The following TLE4 variants were observed in gnomAD, a reference collection of about 807,000 sequenced individuals.
TLE4 encodes TLE family member 4, transcriptional corepressor.
TLE4 carries 8 observed loss-of-function variants against 92.8 expected under a neutral mutation model. The observed-to-expected ratio is 0.09, with a 90% CI of 0.05 to 0.16. The LOEUF is 0.16. Among genes scored for constraint, TLE4 ranks in the 10% least tolerant of loss-of-function variants. TLE4 has a pLI of 1.00. For missense variants in TLE4, 675 were observed against 997.6 expected (o/e 0.68, Z 4.36); for synonymous variants, 371 against 374.1 (o/e 0.99, Z 0.10).
intron 2 of TLE4, 114 bp downstream of exon 2, chr9:79,573,900 T>C (rs950442913): frequency 3.1e-6 from 2 of 652,860 alleles, no homozygotes; most frequent in Admixed American, 3.9e-5. Context: ...AAAGGTATTA[T>C]TTTTTTTTCT....
At chr9:79,639,543 C>T (rs1042613117) in intron 6 of TLE4, among the ~76,000 whole-genome samples, 3 of 152,146 alleles carry the variant, frequency 2.0e-5, no homozygotes, top group South Asian at 4.1e-4. Flanking sequence ...TTCACATTTA[C>T]TCACCACTGA....
In TLE4 at chr9:79,697,234, C is replaced by A. The variant is rs116647833; in HGVS notation, c.610-7549C>A. On this transcript the variant is annotated intron_variant, in intron 8 of 19. Coordinates refer to ENST00000376552, the MANE Select transcript of TLE4 (RefSeq NM_007005.6). ...CATTGGATTGAAAAGTGCGAAATGA[C>A]TTTGGGGTGATAGGTAGTTTAAACG... Among the ~76,000 whole-genome samples, 653 of 152,196 alleles carry A rather than the reference C, an allele frequency of 4.3e-3. 5 individuals carry two copies. Among genetic ancestry groups the A allele is most frequent in the African/African-American group, 0.015 (617 of 41,520 alleles).
chr9:79,579,759 G>C (rs142989129), intron 4 of TLE4, among the ~76,000 whole-genome samples: 111 of 152,192 alleles, frequency 7.3e-4, no homozygotes, highest in African/African-American at 2.6e-3. Flanking sequence ...TACGAGACTT[G>C]GGCCACAACC....
At chr9:79,718,671 G>A (rs758195094) in intron 14 of TLE4, 51 bp from the exon 15 acceptor site, 2 of 1,567,038 alleles carry the variant, frequency 1.3e-6, no homozygotes, top group East Asian at 2.3e-5. Flanking sequence ...GAACAGTTAA[G>A]TGACATTTTT....
At chr9:79,629,547 C>T (rs969379596) in intron 6 of TLE4, among the ~76,000 whole-genome samples, 1 of 152,152 alleles carries the variant, frequency 6.6e-6, no homozygotes, top group Non-Finnish European at 1.5e-5. Context: ...AAAGAACTAA[C>T]TCAGCAGTAC....
chr9:79,649,298 ACAC>A (rs2134119503), intron 6 of TLE4, among the ~76,000 whole-genome samples: 1 of 151,702 alleles, frequency 6.6e-6, no homozygotes, highest in African/African-American at 2.4e-5. Context: ...ACACACACAC[ACAC>A]AACAAGGCAG....
chr9:79,642,115 G>C (rs1370867661), intron 6 of TLE4, among the ~76,000 whole-genome samples: 1 of 151,892 alleles, frequency 6.6e-6, no homozygotes, highest in Non-Finnish European at 1.5e-5. Flanking sequence ...CAAAATTTTG[G>C]AAAGCAAGTC....
chr9:79,626,050 C>T (rs1209240270), intron 5 of TLE4, among the ~76,000 whole-genome samples: 1 of 151,984 alleles, frequency 6.6e-6, no homozygotes, highest in Non-Finnish European at 1.5e-5. Flanking sequence ...CATTTTTCTT[C>T]CCATTAGTCA....
chr9:79,689,327 G>GT (rs78898388), intron 8 of TLE4, among the ~76,000 whole-genome samples: 2,631 of 144,302 alleles, frequency 0.018, 41 homozygotes, highest in African/African-American at 0.046. Context: ...TTTTATTGTT[G>GT]TTTTTTTTTT....
chr9:79,614,795 C>A (rs1265569256), intron 5 of TLE4, among the ~76,000 whole-genome samples: 1 of 151,942 alleles, frequency 6.6e-6, no homozygotes, highest in Admixed American at 6.6e-5. Flanking sequence ...TGAGATTTTT[C>A]TTTGCAATTT....
At chr9:79,635,436 G>C (rs1402338953) in intron 6 of TLE4, among the ~76,000 whole-genome samples, 3 of 150,118 alleles carry the variant, frequency 2.0e-5, no homozygotes, top group Non-Finnish European at 4.4e-5. Flanking sequence ...ATGGACTTTT[G>C]GTGTTGTCTG....
At chr9:79,709,795 G>T in intron 14 of TLE4, 96 bp downstream of exon 14, 4 of 957,182 alleles carry the variant, frequency 4.2e-6, no homozygotes, top group East Asian at 2.7e-5. Context: ...TGTTGGGGGA[G>T]TTCCCATGAC....
rs113638134 is a variant in TLE4, at chr9:79,605,317, G to A, written c.253-7339G>A. Reference sequence around the variant, plus strand: ...TCTGGTAGAACTGAGTATAACCGTGGTAACATTGGTTACAGTGTTTTCTAG... The same window carrying A: ...TCTGGTAGAACTGAGTATAACCGTGATAACATTGGTTACAGTGTTTTCTAG... On this transcript the variant is annotated intron_variant, in intron 4 of 19. Coordinates refer to ENST00000376552, the MANE Select transcript of TLE4 (RefSeq NM_007005.6). 1.6e-3 allele frequency among the ~76,000 whole-genome samples: 241 copies of A among 152,160 alleles called. 1 individual carries two copies. Among genetic ancestry groups the A allele is most frequent in the African/African-American group, 5.5e-3 (228 of 41,534 alleles).
Position 79,708,128 on chromosome 9 carries a change from C to G in TLE4, c.947C>G (p.Ser316Cys). 1 of 1,613,944 alleles carries G rather than the reference C, an allele frequency of 6.2e-7. No homozygotes were observed. Among genetic ancestry groups the G allele is most frequent in the Non-Finnish European group, 8.5e-7 (1 of 1,179,940 alleles). Residue 316 changes from serine (S) to cysteine (C), a missense_variant, in exon 12 of 20, where the codon TCT (serine) becomes TGT (cysteine). Physicochemically the swap from Ser to Cys is moderately radical, Grantham distance 112. Around this residue, in one of 5 missense-constraint regions of TLE4, gnomAD observed 280 missense variants for 287.3 expected, o/e 0.97. Coordinates refer to ENST00000376552, the MANE Select transcript of TLE4 (RefSeq NM_007005.6). ...KSKELSLNEK[S>C]TTPVSKSNTP... ...ATTTCATCTTGTTAGAATGAAAAATCTACTACTCCCGTCTCAAAGTCCAAT... is the reference window on the plus strand; with the variant it reads ...ATTTCATCTTGTTAGAATGAAAAATGTACTACTCCCGTCTCAAAGTCCAAT...
intron 1 of TLE4, chr9:79,573,218 G>C (rs1214488766): frequency 9.9e-7 from 1 of 1,008,348 alleles, no homozygotes; most frequent in Admixed American, 5.9e-5. Context: ...CGGTTTGGAA[G>C]TGCGGGGCGC....
chr9:79,681,351 A>G (rs1217745074), intron 8 of TLE4, among the ~76,000 whole-genome samples: 1 of 151,342 alleles, frequency 6.6e-6, no homozygotes, highest in African/African-American at 2.4e-5. Flanking sequence ...TTATGTTTAG[A>G]TGTACAAATA....
At chr9:79,675,027 G>A (rs1314949464) in intron 8 of TLE4, among the ~76,000 whole-genome samples, 1 of 152,196 alleles carries the variant, frequency 6.6e-6, no homozygotes, top group East Asian at 1.9e-4. Context: ...AAGAAAAAAG[G>A]GTAGTTTTTG....
chr9:79,613,583 T>G (rs1225890773), intron 5 of TLE4, among the ~76,000 whole-genome samples: 1 of 152,192 alleles, frequency 6.6e-6, no homozygotes, highest in Admixed American at 6.5e-5. Flanking sequence ...TAATGAAATA[T>G]CTGCATGTCT....
At chr9:79,660,788 A>G (rs938374629) in intron 8 of TLE4, among the ~76,000 whole-genome samples, 12 of 152,222 alleles carry the variant, frequency 7.9e-5, no homozygotes, top group African/African-American at 2.7e-4. Context: ...AAATATCTTT[A>G]GGGCATAGCT....
Sources: gnomAD v4.1 joint callset for allele counts (sites outside exome capture counted in the v4.1 genomes callset) on GRCh38, gnomAD v4.1.1 for gene constraint, gnomAD v4.1.1 regional missense constraint, MANE v1.5 for transcripts, NCBI Gene and HGNC (gene_info 2026-07-23, HGNC 2026-07-21) for gene names.